The following MYO5A variants were observed in gnomAD, a reference collection of about 807,000 sequenced individuals.
MYO5A encodes the protein unconventional myosin-Va.
Under a neutral mutation model 249.7 loss-of-function variants are expected in MYO5A, and 98 were observed. The observed-to-expected ratio is 0.39, with a 90% CI of 0.33 to 0.46. The LOEUF is 0.46. Among genes scored for constraint, MYO5A ranks in the 20% least tolerant of loss-of-function variants. The pLI, the probability that MYO5A is intolerant of heterozygous loss-of-function variation, is 0.98. For missense variants in MYO5A, 1,696 were observed against 2,308.8 expected (o/e 0.73, Z 5.44); for synonymous variants, 778 against 810.6 (o/e 0.96, Z 0.68).
intron 1 of MYO5A, among the ~76,000 whole-genome samples, chr15:52,500,628 G>A (rs1396547039): frequency 1.3e-5 from 2 of 152,162 alleles, no homozygotes; most frequent in African/African-American, 4.8e-5. Context: ...GATTACAGGT[G>A]TGAGCCACCA....
chr15:52,316,809 C>T (rs553513330), intron 40 of MYO5A, among the ~76,000 whole-genome samples: 4 of 152,300 alleles, frequency 2.6e-5, no homozygotes, highest in African/African-American at 9.6e-5. Flanking sequence ...ATATAGAACA[C>T]TGTAAGTACT....
chr15:52,426,225 A>C (rs1156497449), intron 3 of MYO5A, among the ~76,000 whole-genome samples: 2 of 152,238 alleles, frequency 1.3e-5, no homozygotes, highest in Non-Finnish European at 2.9e-5. Context: ...CAATGTTATA[A>C]GAACTTTAAA....
chr15:52,497,955 C>T (rs2077075681), intron 1 of MYO5A, among the ~76,000 whole-genome samples: 1 of 151,878 alleles, frequency 6.6e-6, no homozygotes, highest in African/African-American at 2.4e-5. Flanking sequence ...CAAAGTGTTG[C>T]TTCGAGGGAA....
chr15:52,496,101 A>G (rs969093480), intron 1 of MYO5A, among the ~76,000 whole-genome samples: 3 of 152,274 alleles, frequency 2.0e-5, no homozygotes, highest in Admixed American at 2.0e-4. Flanking sequence ...ATGAAAAAAA[A>G]AAAGAAAATT....
chr15:52,460,650 G>A (rs1344343231), intron 1 of MYO5A, among the ~76,000 whole-genome samples: 1 of 149,056 alleles, frequency 6.7e-6, no homozygotes, highest in African/African-American at 2.5e-5. Flanking sequence ...GGGGAGACGA[G>A]GACCGTGCGA....
intron 1 of MYO5A, among the ~76,000 whole-genome samples, chr15:52,477,966 G>C (rs1333826750): frequency 1.3e-5 from 2 of 152,240 alleles, no homozygotes; most frequent in African/African-American, 4.8e-5. Context: ...TAAGTCTGCA[G>C]AAGTTTCTGC....
intron 9 of MYO5A, among the ~76,000 whole-genome samples, chr15:52,402,898 C>G (rs967992264): frequency 6.6e-6 from 1 of 151,936 alleles, no homozygotes. Context: ...CAAAAACTAA[C>G]TTAATCTCCA....
intron 1 of MYO5A, among the ~76,000 whole-genome samples, chr15:52,462,106 A>G (rs865971098): frequency 5.3e-5 from 8 of 151,028 alleles, no homozygotes; most frequent in African/African-American, 1.7e-4. Context: ...TACTAAAAAA[A>G]TACAAAAAAA....
At chr15:52,353,844 G>A in intron 26 of MYO5A, 27 bp downstream of exon 26, 1 of 1,612,342 alleles carries the variant, frequency 6.2e-7, no homozygotes, top group African/African-American at 1.3e-5. Context: ...CCCAGCTTCA[G>A]CTCTGCGGAT....
chr15:52,465,907 G>A (rs2076343169), intron 1 of MYO5A, among the ~76,000 whole-genome samples: 1 of 152,000 alleles, frequency 6.6e-6, no homozygotes, highest in East Asian at 1.9e-4. Context: ...TCCAAAATCT[G>A]AGAAGAAGGA....
intron 35 of MYO5A, among the ~76,000 whole-genome samples, chr15:52,328,696 G>C (rs1845220096): frequency 6.6e-6 from 1 of 152,146 alleles, no homozygotes. Context: ...CTCGTTCTGA[G>C]AATCCTCCAA....
chr15:52,382,428 G>A (rs1321111166), intron 16 of MYO5A, among the ~76,000 whole-genome samples: 1 of 151,982 alleles, frequency 6.6e-6, no homozygotes, highest in Non-Finnish European at 1.5e-5. Flanking sequence ...AAAATTAGTT[G>A]GGCATGATGG....
In MYO5A at chr15:52,436,368, G is replaced by C. The variant is rs141940498; in HGVS notation, c.28-3083C>G. On this transcript the variant is annotated intron_variant, in intron 1 of 41. Transcript: ENST00000399233. The stretch of plus-strand genomic sequence containing the variant: ...GTTCTTCAGGAACACAGTTTTGTTT[G>C]CTCCTGTCTCTAGACCCTGGCTCTT... Among the ~76,000 whole-genome samples, 408 of 152,270 alleles carry C rather than the reference G, an allele frequency of 2.7e-3. 3 individuals carry two copies. Among genetic ancestry groups the C allele is most frequent in the African/African-American group, 9.4e-3 (389 of 41,550 alleles).
At chr15:52,356,826 G>C (rs2040251204) in intron 25 of MYO5A, among the ~76,000 whole-genome samples, 1 of 139,356 alleles carries the variant, frequency 7.2e-6, no homozygotes, top group African/African-American at 2.8e-5. Context: ...TTTATTTTCA[G>C]GAATTGTATA....
intron 20 of MYO5A, among the ~76,000 whole-genome samples, chr15:52,374,644 T>C (rs2041306743): frequency 6.6e-6 from 1 of 152,184 alleles, no homozygotes; most frequent in African/African-American, 2.4e-5. Context: ...AGGCTGAGAC[T>C]GGACTGATGT....
intron 33 of MYO5A, 115 bp downstream of exon 33, chr15:52,337,695 C>T (rs752756307): frequency 1.5e-5 from 10 of 675,556 alleles, no homozygotes; most frequent in Middle Eastern, 2.5e-4. Context: ...AAACAGGTTT[C>T]GTGAAAATTT....
At chr15:52,330,806 A>G (rs7181207) in intron 34 of MYO5A, among the ~76,000 whole-genome samples, 3,109 of 152,296 alleles carry the variant, frequency 0.02, 82 homozygotes, top group African/African-American at 0.071. Flanking sequence ...AATGTCCAAA[A>G]AGTAAGTGGT....
chr15:52,463,027 T>C (rs1414585708), intron 1 of MYO5A, among the ~76,000 whole-genome samples: 3 of 152,138 alleles, frequency 2.0e-5, no homozygotes, highest in Non-Finnish European at 2.9e-5. Context: ...TGAGAGAAAC[T>C]GACAGGACAA....
intron 31 of MYO5A, among the ~76,000 whole-genome samples, chr15:52,341,854 T>TA (rs1348861080): frequency 4.6e-5 from 7 of 152,212 alleles, no homozygotes; most frequent in African/African-American, 1.4e-4. Context: ...CTAGAGCAGA[T>TA]GAATGTCTGT....
Sources: allele counts gnomAD v4.1 joint callset (sites outside exome capture counted in the v4.1 genomes callset), GRCh38; gene constraint gnomAD v4.1.1; transcripts MANE v1.5; gene names NCBI Gene and HGNC (gene_info 2026-07-23, HGNC 2026-07-21).